The following LRTM1 variants were observed in gnomAD, a reference collection of about 807,000 sequenced individuals.
The protein encoded by LRTM1 is leucine rich repeat transmembrane protein 1, also known as leucine-rich repeat and transmembrane domain-containing protein 1.
A neutral mutation model predicts 32.4 loss-of-function variants in LRTM1; 38 were observed. The ratio of observed to expected loss-of-function variants is 1.17; its 90% CI spans 0.91 to 1.54. LRTM1 has a LOEUF of 1.54. Ranked by LOEUF, LRTM1 falls within the 40% of genes most tolerant of loss-of-function variation. The probability of loss-of-function intolerance (pLI) is 0.00; values close to 1 mark genes in which losing one functional copy is unlikely to be tolerated. For missense variants in LRTM1, 466 were observed against 415.4 expected, an observed-to-expected ratio of 1.12 and a Z score of -1.06; for synonymous variants, 186 against 169.9, an observed-to-expected ratio of 1.09 and a Z score of -0.74.
upstream of LRTM1, among the ~76,000 whole-genome samples, chr3:54,928,669 C>CTGCTTGCTTGCT (rs750974664): frequency 2.0e-5 from 3 of 152,220 alleles, no homozygotes; most frequent in Non-Finnish European, 2.9e-5. Context: ...AACTTCTCAG[C>CTGCTTGCTTGCT]TGCTTGCTTG....
At chr3:54,921,491 G>T (rs987342203) in intron 2 of LRTM1, among the ~76,000 whole-genome samples, 46 of 152,134 alleles carry the variant, frequency 3.0e-4, no homozygotes, top group Non-Finnish European at 7.3e-5. Flanking sequence ...CTTTGGAGGA[G>T]ATATTATTAT....
At chr3:54,939,503 G>A (rs1701409012) in intron 1 of LRTM1, among the ~76,000 whole-genome samples, 1 of 152,200 alleles carries the variant, frequency 6.6e-6, no homozygotes, top group Admixed American at 6.5e-5. Flanking sequence ...ATTTCTTCAG[G>A]GAGGCAGGGC....
intron 1 of LRTM1, among the ~76,000 whole-genome samples, chr3:54,945,333 G>A (rs748385285): frequency 9.9e-5 from 15 of 152,180 alleles, no homozygotes; most frequent in South Asian, 2.1e-4. Flanking sequence ...CTGGCTCTCC[G>A]AGCCTTACTC....
chr3:54,936,706 G>A (rs1337453176), intron 1 of LRTM1, among the ~76,000 whole-genome samples: 1 of 152,120 alleles, frequency 6.6e-6, no homozygotes, highest in African/African-American at 2.4e-5. Flanking sequence ...TCGCTAGTAG[G>A]AGGCCCTCTT....
intron 1 of LRTM1, among the ~76,000 whole-genome samples, chr3:54,953,175 C>T (rs189356550): frequency 4.8e-4 from 73 of 152,282 alleles, no homozygotes; most frequent in African/African-American, 1.7e-3. Context: ...GTGCTAGGCT[C>T]ATGACATACA....
chr3:54,945,002 G>A (rs543611782), intron 1 of LRTM1, among the ~76,000 whole-genome samples: 56 of 152,198 alleles, frequency 3.7e-4, no homozygotes, highest in Middle Eastern at 6.8e-3. Flanking sequence ...TTTACTATTG[G>A]GTGAATCAAT....
At chr3:54,966,405 G>A (rs1702151416) in intron 1 of LRTM1, among the ~76,000 whole-genome samples, 3 of 152,230 alleles carry the variant, frequency 2.0e-5, no homozygotes, top group Non-Finnish European at 4.4e-5. Context: ...ATGCTGGGAA[G>A]AACAGCTTTT....
intron 1 of LRTM1, among the ~76,000 whole-genome samples, chr3:54,951,774 C>A (rs770473667): frequency 1.8e-4 from 27 of 152,204 alleles, no homozygotes; most frequent in Non-Finnish European, 3.5e-4. Flanking sequence ...AGTAAGATAA[C>A]ACAGGGTGGG....
intron 1 of LRTM1, 50 bp downstream of exon 1, chr3:54,927,855 A>G (rs1193108281): frequency 5.6e-6 from 9 of 1,604,910 alleles, no homozygotes; most frequent in South Asian, 4.4e-5. Context: ...AGGGGATACC[A>G]TCTTTCTCCC....
intron 1 of LRTM1, among the ~76,000 whole-genome samples, chr3:54,955,896 A>G (rs1005085628): frequency 1.1e-4 from 17 of 152,196 alleles, no homozygotes; most frequent in Admixed American, 6.5e-4. Flanking sequence ...TAACAACAGA[A>G]GATGGCTTTT....
intron 1 of LRTM1, among the ~76,000 whole-genome samples, chr3:54,942,779 C>G (rs1378813053): frequency 6.6e-6 from 1 of 152,144 alleles, no homozygotes; most frequent in East Asian, 1.9e-4. Flanking sequence ...AATCCCAGAG[C>G]TTTGGGAGGC....
At chr3:54,957,812 C>A (rs774741289) in intron 1 of LRTM1, among the ~76,000 whole-genome samples, 1 of 152,180 alleles carries the variant, frequency 6.6e-6, no homozygotes, top group African/African-American at 2.4e-5. Context: ...CCTACACAGT[C>A]CCCCAGACAC....
At chr3:54,929,742 C>T (rs578053779), upstream of LRTM1, among the ~76,000 whole-genome samples, 25 of 152,232 alleles carry the variant, frequency 1.6e-4, no homozygotes, top group South Asian at 2.7e-3. Flanking sequence ...GATTTCTTCC[C>T]TCCTTCCTTC....
At chr3:54,956,252 T>C (rs1039913860) in intron 1 of LRTM1, among the ~76,000 whole-genome samples, 1 of 152,228 alleles carries the variant, frequency 6.6e-6, no homozygotes. Flanking sequence ...CCTTGCTGCA[T>C]GAGCAGACCC....
rs551765712 is a variant in LRTM1, at chr3:54,966,435, C to T, written c.-222+493G>A. ...GCTTTTGTGTTGTGTAGTCTGGCCA[C>T]GTGGCCCACATCACAGTAGGTCCCC... On this transcript the variant is annotated intron_variant, in intron 1 of 2. Transcript: ENST00000493075. Among the ~76,000 whole-genome samples, 266 of 152,270 alleles carry T rather than the reference C, an allele frequency of 1.7e-3. 1 individual carries two copies. Among genetic ancestry groups the T allele is most frequent in the Non-Finnish European group, 1.9e-3 (126 of 68,020 alleles).
At chr3:54,950,476 G>A (rs998500304) in intron 1 of LRTM1, among the ~76,000 whole-genome samples, 3 of 152,128 alleles carry the variant, frequency 2.0e-5, no homozygotes, top group African/African-American at 4.8e-5. Context: ...GCAAGGCAGC[G>A]ATATAATGCT....
chr3:54,938,198 C>T (rs980893780), intron 1 of LRTM1, among the ~76,000 whole-genome samples: 1 of 152,248 alleles, frequency 6.6e-6, no homozygotes, highest in Non-Finnish European at 1.5e-5. Flanking sequence ...CAAGGAAGAA[C>T]CAGCCCTGCT....
At chr3:54,924,333 C>G (rs1230376081) in intron 2 of LRTM1, among the ~76,000 whole-genome samples, 1 of 152,154 alleles carries the variant, frequency 6.6e-6, no homozygotes, top group Non-Finnish European at 1.5e-5. Flanking sequence ...TGAATGTCCT[C>G]CTTCTTAATA....
chr3:54,931,051 G>A (rs1575385740), upstream of LRTM1, among the ~76,000 whole-genome samples: 2 of 152,132 alleles, frequency 1.3e-5, no homozygotes, highest in South Asian at 2.1e-4. Context: ...AGCCGAGATC[G>A]TGCCACTGTA....
Sources: gnomAD v4.1 joint callset for allele counts (sites outside exome capture counted in the v4.1 genomes callset) on GRCh38, gnomAD v4.1.1 for gene constraint, MANE v1.5 for transcripts, NCBI Gene and HGNC (gene_info 2026-07-23, HGNC 2026-07-21) for gene names.